MAGI1: variants seen among roughly 807,000 people sequenced by gnomAD.
MAGI1 encodes membrane associated guanylate kinase, WW and PDZ domain containing 1, also known as membrane-associated guanylate kinase, WW and PDZ domain-containing protein 1.
A neutral mutation model predicts 139.9 loss-of-function variants in MAGI1; 58 were observed. The ratio of observed to expected loss-of-function variants is 0.41; its 90% CI spans 0.34 to 0.52. The LOEUF (loss-of-function observed/expected upper bound fraction) is 0.52. MAGI1 is among the 20% of genes least tolerant of loss of function. MAGI1 has a pLI of 0.12. For synonymous variants in MAGI1, 812 were observed against 737.9 expected, an observed-to-expected ratio of 1.10 and a Z score of -1.63; for missense variants, 1,874 against 1,901.6, an observed-to-expected ratio of 0.99 and a Z score of 0.27.
intron 2 of MAGI1, among the ~76,000 whole-genome samples, chr3:65,569,266 C>T (rs1205284320): frequency 6.6e-6 from 1 of 152,040 alleles, no homozygotes; most frequent in Non-Finnish European, 1.5e-5. Context: ...ATTGTGGTTA[C>T]CAGGGGCGAG....
chr3:65,356,613 T>TC lies in MAGI1; in HGVS notation c.4153dup (p.Glu1385GlyfsTer73). ...CTCGGGCGAGCCCCCTCTCCTGCGC[T>TC]CGGGGGACCTCCTCTGCTCCAGGAG... is the stretch of plus-strand genomic sequence containing the variant. On this transcript the variant is annotated frameshift_variant, in exon 23 of 23. Coordinates refer to ENST00000402939, the MANE Select transcript of MAGI1 (RefSeq NM_001033057.2). LOFTEE classifies it low-confidence loss of function (END_TRUNC). 6.3e-7 allele frequency: 1 copy of TC among 1,593,870 alleles called. No individual in the cohort carries two copies. The highest frequency in any genetic ancestry group is 8.5e-7 in the Non-Finnish European group (1 of 1,172,442).
intron 14 of MAGI1, 80 bp downstream of exon 14, chr3:65,391,062 T>C: frequency 1.6e-6 from 2 of 1,239,682 alleles, no homozygotes; most frequent in Non-Finnish European, 2.3e-6. Context: ...CTGCAACTCA[T>C]CTATTTTCAA....
intron 1 of MAGI1, chr3:65,925,216 G>C (rs1273000871): frequency 6.6e-6 from 1 of 152,214 alleles, no homozygotes; most frequent in African/African-American, 2.4e-5. Context: ...GTCACCTTTA[G>C]ATTTCCACTT....
At chr3:66,036,499 A>T (rs904629868) in intron 1 of MAGI1, among the ~76,000 whole-genome samples, 5 of 152,226 alleles carry the variant, frequency 3.3e-5, no homozygotes, top group African/African-American at 1.2e-4. Flanking sequence ...CAAAGGAGGA[A>T]GAATTTGTGC....
intron 1 of MAGI1, among the ~76,000 whole-genome samples, chr3:65,742,834 T>C (rs1193840595): frequency 1.3e-5 from 2 of 152,168 alleles, no homozygotes; most frequent in African/African-American, 2.4e-5. Flanking sequence ...AATCAGAATG[T>C]AGGAAACAGG....
intron 1 of MAGI1, among the ~76,000 whole-genome samples, chr3:65,980,365 C>A (rs569418676): frequency 6.6e-6 from 1 of 152,244 alleles, no homozygotes; most frequent in Admixed American, 6.5e-5. Flanking sequence ...GAGTTCAAGA[C>A]CAGCCTGGCC....
At chr3:65,942,969 C>A (rs1163721276) in intron 1 of MAGI1, among the ~76,000 whole-genome samples, 1 of 151,976 alleles carries the variant, frequency 6.6e-6, no homozygotes, top group Non-Finnish European at 1.5e-5. Context: ...TGCAGTGAGC[C>A]GAGATCATGC....
Position 65,689,118 on chromosome 3 carries a change from T to C in MAGI1, c.314-67030A>G, listed in dbSNP as rs74791397. ...ACAAATGGAAACATCTGGAAACACA[T>C]AGTCCCTCTGAAACCCAGACATCAG... On this transcript the variant is annotated intron_variant, in intron 1 of 22. Coordinates refer to ENST00000402939, the MANE Select transcript of MAGI1 (RefSeq NM_001033057.2). 5.2e-3 allele frequency among the ~76,000 whole-genome samples: 797 copies of C among 152,318 alleles called. 4 individuals carry two copies. Among genetic ancestry groups the C allele is most frequent in the African/African-American group, 0.018 (728 of 41,568 alleles).
At chr3:65,359,951 G>A (rs1940635605) in intron 22 of MAGI1, 2 of 985,194 alleles carry the variant, frequency 2.0e-6, no homozygotes, top group Non-Finnish European at 2.4e-6. Flanking sequence ...ACACCTAATG[G>A]TCAGAAGTTC....
intron 1 of MAGI1, among the ~76,000 whole-genome samples, chr3:65,648,327 G>A (rs766329542): frequency 6.6e-5 from 10 of 151,932 alleles, no homozygotes; most frequent in African/African-American, 1.7e-4. Flanking sequence ...GCGCGTGCGC[G>A]TGCACACAGA....
At chr3:65,393,709 T>C (rs1157186167) in intron 13 of MAGI1, among the ~76,000 whole-genome samples, 2 of 152,190 alleles carry the variant, frequency 1.3e-5, no homozygotes, top group African/African-American at 4.8e-5. Flanking sequence ...GATGCCAGAT[T>C]GATTCCAGGG....
intron 1 of MAGI1, among the ~76,000 whole-genome samples, chr3:66,005,556 T>C (rs746181268): frequency 2.6e-5 from 4 of 152,118 alleles, no homozygotes; most frequent in Non-Finnish European, 5.9e-5. Context: ...AGAAAATCTT[T>C]AGCACTTCCC....
intron 1 of MAGI1, among the ~76,000 whole-genome samples, chr3:65,633,291 G>C (rs2084418465): frequency 6.6e-6 from 1 of 152,152 alleles, no homozygotes; most frequent in Non-Finnish European, 1.5e-5. Flanking sequence ...CACACATGCA[G>C]AGATGGAAGC....
rs763656004 is a variant in MAGI1, at chr3:65,375,800, C to T, written c.3141G>A (p.Val1047=). Residue 1047 remains valine (V), a synonymous_variant, in exon 18 of 23, where the codon GTG becomes GTA. Coordinates refer to ENST00000402939, the MANE Select transcript of MAGI1 (RefSeq NM_001033057.2). The part of the protein sequence containing the change: ...SITNKSHSDI[V]NLIKEAGNTV... ...TGTTTCCCGCTTCCTTGATTAGGTTCACAATGTCTGAATGGGATTTGTTGG... is the reference window on the plus strand; with the variant it reads ...TGTTTCCCGCTTCCTTGATTAGGTTTACAATGTCTGAATGGGATTTGTTGG... 1.9e-6 allele frequency: 3 copies of T among 1,613,962 alleles called. No homozygotes were observed. The African/African-American group carries it at 4.0e-5, about 22-fold the overall frequency.
intron 2 of MAGI1, among the ~76,000 whole-genome samples, chr3:65,507,619 G>T (rs1375076303): frequency 3.9e-5 from 6 of 152,138 alleles, no homozygotes; most frequent in African/African-American, 1.4e-4. Flanking sequence ...TCTAATGTTT[G>T]CCAACGATCT....
At chr3:65,756,958 TA>T (rs1447322711) in intron 1 of MAGI1, among the ~76,000 whole-genome samples, 1 of 152,174 alleles carries the variant, frequency 6.6e-6, no homozygotes, top group Non-Finnish European at 1.5e-5. Context: ...GTATTTTAGT[TA>T]AAGAAAATAA....
chr3:65,600,637 C>T (rs1404537), intron 2 of MAGI1, among the ~76,000 whole-genome samples: 8,965 of 40,760 alleles, frequency 0.22, 872 homozygotes, highest in African/African-American at 0.44. Context: ...TTCATGGGCG[C>T]CTGGCTTATA....
At chr3:65,895,791 T>G (rs1007355740) in intron 1 of MAGI1, among the ~76,000 whole-genome samples, 1 of 152,174 alleles carries the variant, frequency 6.6e-6, no homozygotes, top group Non-Finnish European at 1.5e-5. Context: ...TTCTAAACAC[T>G]TTTTCCTCAA....
chr3:65,376,721 A>T (rs1332899677), intron 17 of MAGI1, among the ~76,000 whole-genome samples: 1 of 152,188 alleles, frequency 6.6e-6, no homozygotes, highest in Non-Finnish European at 1.5e-5. Context: ...AGGACTACGA[A>T]AATCTAGTAC....
Sources: gnomAD v4.1 joint callset for allele counts (sites outside exome capture counted in the v4.1 genomes callset) on GRCh38, gnomAD v4.1.1 for gene constraint, MANE v1.5 for transcripts, NCBI Gene and HGNC (gene_info 2026-07-23, HGNC 2026-07-21) for gene names.